Variants in RUFY3 observed in about 807,000 individuals in gnomAD.
The protein encoded by RUFY3 is RUN and FYVE domain containing 3.
Under a neutral mutation model 84.0 loss-of-function variants are expected in RUFY3, and 34 were observed. The ratio of observed to expected loss-of-function variants is 0.40; its 90% CI spans 0.31 to 0.54. RUFY3 has a LOEUF of 0.54. Among genes scored for constraint, RUFY3 ranks in the 20% least tolerant of loss-of-function variants. RUFY3 has a pLI of 0.39. For missense variants in RUFY3, 507 were observed against 736.8 expected, an observed-to-expected ratio of 0.69 and a Z score of 3.61; for synonymous variants, 242 against 252.9, an observed-to-expected ratio of 0.96 and a Z score of 0.41.
intron 12 of RUFY3, chr4:70,793,442 A>C (rs1254250287): frequency 1.5e-5 from 16 of 1,065,766 alleles, no homozygotes; most frequent in Non-Finnish European, 1.8e-5. Context: ...ATTTAACTTA[A>C]ATTACTGTGT....
At chr4:70,771,192 C>T (rs1027485536) in intron 5 of RUFY3, among the ~76,000 whole-genome samples, 1 of 152,080 alleles carries the variant, frequency 6.6e-6, no homozygotes, top group African/African-American at 2.4e-5. Context: ...ATGAAGCGAG[C>T]ACATGCTGTT....
At chr4:70,760,703 A>C in intron 1 of RUFY3, among the ~76,000 whole-genome samples, 1 of 152,206 alleles carries the variant, frequency 6.6e-6, no homozygotes, top group East Asian at 1.9e-4. Context: ...TCTTGTGAGA[A>C]TACTACCCTT....
chr4:70,719,693 C>T (rs544666633), upstream of RUFY3, among the ~76,000 whole-genome samples: 3 of 152,292 alleles, frequency 2.0e-5, no homozygotes, highest in South Asian at 6.2e-4. Context: ...AATCTATAAA[C>T]TGTCCCCTTA....
At chr4:70,772,948 A>G (rs1171819743) in intron 5 of RUFY3, among the ~76,000 whole-genome samples, 9 of 152,224 alleles carry the variant, frequency 5.9e-5, no homozygotes, top group Non-Finnish European at 8.8e-5. Flanking sequence ...GGCAAGAGCC[A>G]CTGCGCCCGG....
chr4:70,764,574 C>T lies in RUFY3; in HGVS notation c.570C>T (p.Leu190=). The T allele has an allele frequency of 1.9e-6, 3 of 1,551,330 alleles. No individual in the cohort carries two copies. Among genetic ancestry groups the T allele is most frequent in the South Asian group, 1.1e-5 (1 of 89,038 alleles). The stretch of plus-strand genomic sequence containing the variant: ...CTTTGATCAATAAGAAAGAACTTCT[C>T]AGGTATGAACACCTTCTTGAACTTT... ...MKALINKKEL[L]SEFYEPNALM... is the part of the protein sequence containing the mutation. The change falls in exon 4 of 18, where the codon CTC becomes CTT. Residue 190 remains leucine, a splice_region_variant and synonymous_variant. Coordinates refer to ENST00000381006, the MANE Select transcript of RUFY3 (RefSeq NM_001037442.4).
intron 8 of RUFY3, among the ~76,000 whole-genome samples, chr4:70,780,568 C>T (rs1202443937): frequency 2.6e-5 from 4 of 152,212 alleles, no homozygotes; most frequent in Non-Finnish European, 5.9e-5. Flanking sequence ...GCTGGGATTA[C>T]AGGCATGAGC....
chr4:70,749,801 C>T (rs1041935578), intron 1 of RUFY3, among the ~76,000 whole-genome samples: 1 of 151,680 alleles, frequency 6.6e-6, no homozygotes, highest in Non-Finnish European at 1.5e-5. Context: ...AGGTTTGCAC[C>T]ACCACACCCA....
At chr4:70,804,325 A>G in intron 16 of RUFY3, 23 bp from the exon 17 acceptor site, 2 of 1,612,084 alleles carry the variant, frequency 1.2e-6, no homozygotes, top group Non-Finnish European at 1.7e-6. Flanking sequence ...AAGAAAAACT[A>G]ACCAGCTCCC....
intron 1 of RUFY3, among the ~76,000 whole-genome samples, chr4:70,715,588 CAAAAAAAAAAAAA>C (rs886636641): frequency 2.4e-4 from 11 of 46,666 alleles, no homozygotes; most frequent in Admixed American, 1.9e-3. Flanking sequence ...ACACTATCTC[CAAAAAAAAAAAAA>C]AAAAAAAAAA....
At chr4:70,792,383 T>C in intron 12 of RUFY3, 2 of 962,704 alleles carry the variant, frequency 2.1e-6, no homozygotes, top group Middle Eastern at 1.1e-3. Context: ...TTTATTATTA[T>C]TTAGTACAAA....
chr4:70,767,247 G>A lies in RUFY3; in HGVS notation c.573-1291G>A, dbSNP rs186165810. Reference sequence around the variant, plus strand: ...ATTACAGGCGTGTGCCACCATGCCCGGCTAATTTTGTATTTTTTTTTTTTT... The same window carrying A: ...ATTACAGGCGTGTGCCACCATGCCCAGCTAATTTTGTATTTTTTTTTTTTT... On this transcript the variant is annotated intron_variant, in intron 4 of 17. Transcript: ENST00000381006. Among the ~76,000 whole-genome samples, 522 of 148,304 alleles carry A rather than the reference G, an allele frequency of 3.5e-3. 2 individuals are homozygous for A. The highest frequency in any genetic ancestry group is 0.013 in the African/African-American group (503 of 40,006).
In RUFY3 at chr4:70,733,176, AAG is replaced by A. The variant is rs1276868277; in HGVS notation, c.178+10427_178+10428del. On this transcript the variant is annotated intron_variant, in intron 1 of 17. Coordinates refer to ENST00000381006, the MANE Select transcript of RUFY3 (RefSeq NM_001037442.4). ...AGAGAGAGAGAGAGAGAAAGAAAGA[AAG>A]AAAAATGGATTTTGTCTTCCTCCAT... 6.3e-3 allele frequency among the ~76,000 whole-genome samples: 901 copies of A among 143,812 alleles called. 12 individuals carry two copies. The highest frequency in any genetic ancestry group is 0.03 in the South Asian group (132 of 4,344). The allele number at this position is 143,812 out of a possible 152,430, so 94.3% of individuals were successfully genotyped here.
intron 10 of RUFY3, among the ~76,000 whole-genome samples, chr4:70,787,168 G>GAAAAAAA (rs71211959): frequency 1.1e-4 from 6 of 52,996 alleles, no homozygotes; most frequent in African/African-American, 5.2e-4. Context: ...CCCTGTCTCA[G>GAAAAAAA]AAAAAAAAAA....
At position 70,705,063 on chromosome 4, in the gene RUFY3, G is replaced by C. The variant is rs917221548; in HGVS notation, c.127G>C (p.Glu43Gln). The C allele has an allele frequency of 3.7e-4, 477 of 1,285,474 alleles. 1 individual carries two copies. In the African/African-American group the frequency reaches 6.7e-3, roughly 18 times the overall value. 79.6% of individuals were successfully genotyped at this position (1,285,474 alleles called of 1,614,324 possible). ...CGCCGGGGGCACGGACCGAGAGGGC[G>C]AGGCGGGGCCGCCGCCGGCCTCCCC... The change falls in exon 1 of 12, where the codon GAG becomes CAG. Residue 43 changes from glutamate to glutamine, a missense_variant. By Grantham distance (29) the Glu-to-Gln change is conservative (BLOSUM62 2). Transcript: ENST00000417478.
rs542661423 is a variant in RUFY3, at chr4:70,806,470, T to C, written c.1720-46T>C. ...GCTTTTTATATCCCATGAATCCTTA[T>C]GCCTTGCTCATCTTCTATTCCCCGC... On this transcript the variant is annotated intron_variant, in intron 17 of 17. Transcript: ENST00000381006. 41 of 1,608,896 alleles carry C rather than the reference T, an allele frequency of 2.5e-5. No individual in the cohort carries two copies. In the Admixed American group the frequency reaches 5.8e-4, roughly 23 times the overall value.
chr4:70,792,014 T>G (rs893308569), intron 12 of RUFY3: 7 of 985,364 alleles, frequency 7.1e-6, no homozygotes, highest in Non-Finnish European at 8.4e-6. Context: ...TGTGGACGCC[T>G]GGGGAAACCC....
chr4:70,792,071 G>A lies in RUFY3; in HGVS notation c.1338-1714G>A, dbSNP rs1032967653. On this transcript the variant is annotated intron_variant, in intron 12 of 17. Coordinates refer to ENST00000381006, the MANE Select transcript of RUFY3 (RefSeq NM_001037442.4). ...ACCTCTGCCGTTTTCCTGCAATTCC[G>A]CTTCCTACTTAGGCAGTTCAGAGAG... is the stretch of plus-strand genomic sequence containing the variant. The A allele has an allele frequency of 1.9e-5, 19 of 985,550 alleles. No homozygotes were observed. The African/African-American group carries it at 2.8e-4, about 14-fold the overall frequency. 61.1% of individuals were successfully genotyped at this position (985,550 alleles called of 1,614,324 possible).
chr4:70,804,284 A>G lies in RUFY3; in HGVS notation c.1651-64A>G. On this transcript the variant is annotated intron_variant, in intron 16 of 17. Transcript: ENST00000381006. ...TATTAATATTGTAGGTAAAAAATGC[A>G]TATTCTGAAAGTACTAATATTTCTG... 2.3e-6 allele frequency: 3 copies of G among 1,326,578 alleles called. No individual in the cohort carries two copies. The South Asian group carries it at 3.6e-5, about 16-fold the overall frequency. 82.2% of individuals were successfully genotyped at this position (1,326,578 alleles called of 1,614,324 possible).
chr4:70,704,286 A>G (rs945018028), upstream of RUFY3: 2 of 152,288 alleles, frequency 1.3e-5, no homozygotes, highest in Non-Finnish European at 2.9e-5. Context: ...TTTCTCACAT[A>G]AAGAGCTCAA....
Sources: allele counts gnomAD v4.1 joint callset (sites outside exome capture counted in the v4.1 genomes callset), GRCh38; gene constraint gnomAD v4.1.1; transcripts MANE v1.5; gene names NCBI Gene and HGNC (gene_info 2026-07-23, HGNC 2026-07-21).